SMARCB1: variants seen among roughly 807,000 people sequenced by gnomAD.
SMARCB1 encodes SWI/SNF related BAF chromatin remodeling complex subunit B1.
In SMARCB1, 5 loss-of-function variants were observed where a neutral mutation model predicts 49.0. The observed-to-expected ratio is 0.10, with a 90% CI of 0.05 to 0.21. The LOEUF (loss-of-function observed/expected upper bound fraction) is 0.21. SMARCB1 is among the 10% of genes least tolerant of loss of function. The pLI, the probability that SMARCB1 is intolerant of heterozygous loss-of-function variation, is 1.00. For missense variants in SMARCB1, 226 were observed against 509.2 expected (o/e 0.44, Z 5.35); for synonymous variants, 201 against 200.1 (o/e 1.00, Z -0.04).
At chr22:23,825,573 A>C in intron 7 of SMARCB1, 158 bp downstream of exon 7, 1 of 656,434 alleles carries the variant, frequency 1.5e-6, no homozygotes, top group Non-Finnish European at 2.7e-6. Context: ...CTCCTGCCCT[A>C]TGTATCTCTC....
At position 23,836,277 on chromosome 22, in the gene SMARCB1, T is replaced by A; in HGVS notation, c.*2097T>A. 1 of 985,356 alleles carries A rather than the reference T, an allele frequency of 1.0e-6. No individual in the cohort carries two copies. Among genetic ancestry groups the A allele is most frequent in the Non-Finnish European group, 1.2e-6 (1 of 829,926 alleles). The allele number at this position is 985,356 out of a possible 1,614,324, so 61.0% of individuals were successfully genotyped here. ...TCCATGGGGCTTTGGCATCACCAGA[T>A]GAAAAATGAGGCATACGCCCACCTG... On this transcript the variant is annotated 3_prime_UTR_variant, in exon 9 of 9. Coordinates refer to ENST00000644036, the MANE Select transcript of SMARCB1 (RefSeq NM_003073.5).
intron 7 of SMARCB1, among the ~76,000 whole-genome samples, chr22:23,828,210 G>A (rs2030483147): frequency 6.6e-6 from 1 of 152,062 alleles, no homozygotes; most frequent in East Asian, 1.9e-4. Context: ...CCGCCACCAC[G>A]CCCAGCTAAT....
chr22:23,797,100 G>A (rs1292662550), intron 3 of SMARCB1, among the ~76,000 whole-genome samples: 4 of 138,266 alleles, frequency 2.9e-5, no homozygotes, highest in Non-Finnish European at 6.1e-5. Context: ...TGGGGTTCAC[G>A]CCATTCTCCT....
chr22:23,826,818 C>T (rs1045405540), intron 7 of SMARCB1, among the ~76,000 whole-genome samples: 6 of 152,220 alleles, frequency 3.9e-5, no homozygotes, highest in Non-Finnish European at 8.8e-5. Context: ...CTCAAGGGCC[C>T]GGGCCTGGGA....
chr22:23,807,701 C>T (rs59173877), intron 5 of SMARCB1, among the ~76,000 whole-genome samples: 6,403 of 151,488 alleles, frequency 0.042, 426 homozygotes, highest in African/African-American at 0.15. Context: ...TCTGGAAACT[C>T]AACACAAAGA....
At chr22:23,805,931 C>T (rs1041127812) in intron 5 of SMARCB1, among the ~76,000 whole-genome samples, 4 of 152,186 alleles carry the variant, frequency 2.6e-5, no homozygotes, top group African/African-American at 4.8e-5. Flanking sequence ...TTTATACCCC[C>T]GCCCTGTTCC....
chr22:23,787,751 A>G (rs1928106020), intron 1 of SMARCB1, among the ~76,000 whole-genome samples: 2 of 152,186 alleles, frequency 1.3e-5, no homozygotes, highest in South Asian at 4.1e-4. Context: ...TTAGGTGAGC[A>G]GTGGAGGTCT....
chr22:23,806,172 A>G (rs765060121), intron 5 of SMARCB1, among the ~76,000 whole-genome samples: 1 of 152,216 alleles, frequency 6.6e-6, no homozygotes, highest in Non-Finnish European at 1.5e-5. Context: ...AGTGTGGTCA[A>G]GGTTAGCAGC....
chr22:23,830,425 C>G (rs1349403830), intron 7 of SMARCB1, among the ~76,000 whole-genome samples: 1 of 152,078 alleles, frequency 6.6e-6, no homozygotes, highest in African/African-American at 2.4e-5. Flanking sequence ...GTATTTCTGG[C>G]TGTTTGTGTA....
chr22:23,793,750 G>C (rs1928558550), intron 3 of SMARCB1, 62 bp downstream of exon 3: 2 of 1,449,906 alleles, frequency 1.4e-6, no homozygotes, highest in African/African-American at 2.8e-5. Context: ...TGAGACTCAA[G>C]AACTGGTTGG....
In SMARCB1 at chr22:23,837,730, G is replaced by A. The variant is rs1485388074; in HGVS notation, c.*3550G>A. 4 of 1,614,016 alleles carry A rather than the reference G, an allele frequency of 2.5e-6. No homozygotes were observed. Among genetic ancestry groups the A allele is most frequent in the South Asian group, 1.1e-5 (1 of 91,080 alleles). ...CATGAGCGCCCAAGGCAGGAACGGT[G>A]CCTGGAAAGTGAGCAGGCCGAAGAA... On this transcript the variant is annotated 3_prime_UTR_variant, in exon 9 of 9. Coordinates refer to ENST00000644036, the MANE Select transcript of SMARCB1 (RefSeq NM_003073.5).
In SMARCB1 at chr22:23,834,489, G is replaced by GTCAACA. The variant is rs2030874650; in HGVS notation, c.*309_*310insTCAACA. On this transcript the variant is annotated 3_prime_UTR_variant, in exon 9 of 9. Transcript: ENST00000644036. ...GGCTAGTAACAGTTTTTAAATAAAA[G>GTCAACA]GCAACAGGTCATGTTCAATTTCTTC... is the stretch of plus-strand genomic sequence containing the variant. 1 of 651,424 alleles carries GTCAACA rather than the reference G, an allele frequency of 1.5e-6. No individual in the cohort carries two copies. The highest frequency in any genetic ancestry group is 3.0e-5 in the African/African-American group (1 of 33,294). The allele number at this position is 651,424 out of a possible 1,614,324, so 40.4% of individuals were successfully genotyped here.
rs142052842 is a variant in SMARCB1 at position 23,822,040 on chromosome 22, A to G, written c.796-3185A>G. ...TTCTGTAAGGACGTCCTTTGTCTTG[A>G]TCCTGGAACATGACTGAAGGAAAAC... On this transcript the variant is annotated intron_variant, in intron 6 of 8. Transcript: ENST00000644036. Among the ~76,000 whole-genome samples, 495 of 152,238 alleles carry G rather than the reference A, an allele frequency of 3.3e-3. 4 individuals carry two copies. Among genetic ancestry groups the G allele is most frequent in the South Asian group, 0.022 (107 of 4,822 alleles).
chr22:23,834,276 A>G lies in SMARCB1; in HGVS notation c.*96A>G, dbSNP rs1278643793. ...AAGGACAGAGGCGAGGGGACAGCCC[A>G]GCGCCATCCTGAGGATCGGGTGGGG... On this transcript the variant is annotated 3_prime_UTR_variant, in exon 9 of 9. Transcript: ENST00000644036. 7.4e-7 allele frequency: 1 copy of G among 1,352,534 alleles called. No individual in the cohort carries two copies. Among genetic ancestry groups the G allele is most frequent in the African/African-American group, 1.4e-5 (1 of 69,000 alleles). 83.8% of individuals were successfully genotyped at this position (1,352,534 alleles called of 1,614,324 possible). A position where few individuals can be genotyped will look rare whatever the true frequency, so the allele number is the denominator to read the frequency against.
chr22:23,831,665 A>G (rs910567318), intron 7 of SMARCB1, among the ~76,000 whole-genome samples: 3 of 152,222 alleles, frequency 2.0e-5, no homozygotes, highest in African/African-American at 7.2e-5. Context: ...GGGGAGGTAA[A>G]CAAAGGACCC....
chr22:23,798,779 G>A (rs1181616815), intron 3 of SMARCB1, among the ~76,000 whole-genome samples: 4 of 152,026 alleles, frequency 2.6e-5, no homozygotes, highest in Admixed American at 6.6e-5. Flanking sequence ...GGCCGGGCGC[G>A]GTGACTGACG....
intron 7 of SMARCB1, among the ~76,000 whole-genome samples, chr22:23,827,184 G>A (rs1203512976): frequency 6.6e-6 from 1 of 152,156 alleles, no homozygotes; most frequent in Non-Finnish European, 1.5e-5. Context: ...GCTCACAGGT[G>A]CAGGTGGTAG....
chr22:23,837,219 T>C lies in SMARCB1; in HGVS notation c.*3039T>C. On this transcript the variant is annotated 3_prime_UTR_variant, in exon 9 of 9. Coordinates refer to ENST00000644036, the MANE Select transcript of SMARCB1 (RefSeq NM_003073.5). The stretch of plus-strand genomic sequence containing the variant: ...CCCAGAGTCCTAGACCAGCAGAGCC[T>C]GCCCCAGGCCCCCATCCACAGCCTG... The C allele has an allele frequency of 6.3e-7, 1 of 1,577,506 alleles. No homozygotes were observed. The highest frequency in any genetic ancestry group is 1.4e-5 in the African/African-American group (1 of 73,826).
In SMARCB1 at chr22:23,835,751, G is replaced by C. The variant is rs1019950385; in HGVS notation, c.*1571G>C. The stretch of plus-strand genomic sequence containing the variant: ...TGAGGTAGGAACCTCGGCAATGAAA[G>C]GGTGAGGCAGCCCTGTGTCTCCACA... On this transcript the variant is annotated 3_prime_UTR_variant, in exon 9 of 9. Transcript: ENST00000644036. 2 of 985,366 alleles carry C rather than the reference G, an allele frequency of 2.0e-6. No homozygotes were observed. Among genetic ancestry groups the C allele is most frequent in the Admixed American group, 1.2e-4 (2 of 16,274 alleles). The allele number at this position is 985,366 out of a possible 1,614,324, so 61.0% of individuals were successfully genotyped here.
Sources: gnomAD v4.1 joint callset for allele counts (sites outside exome capture counted in the v4.1 genomes callset) on GRCh38, gnomAD v4.1.1 for gene constraint, MANE v1.5 for transcripts, NCBI Gene and HGNC (gene_info 2026-07-23, HGNC 2026-07-21) for gene names.